Variants in ZNF208 observed in about 807,000 individuals in gnomAD.
ZNF208 encodes zinc finger protein 208.
Under a neutral mutation model 12.1 loss-of-function variants are expected in ZNF208, and 10 were observed. The ratio of observed to expected loss-of-function variants is 0.83; its 90% confidence interval spans 0.51 to 1.40. The LOEUF is 1.40. Ranked by LOEUF, ZNF208 falls within the 40% of genes most tolerant of loss-of-function variation. ZNF208 has a pLI of 0.00. For missense variants in ZNF208, 1,652 were observed against 1,485.0 expected (o/e 1.11, Z -1.85); for synonymous variants, 497 against 488.4 (o/e 1.02, Z -0.23).
downstream of ZNF208, among the ~76,000 whole-genome samples, chr19:21,964,301 T>C (rs1379013671): frequency 6.6e-6 from 1 of 151,816 alleles, no homozygotes; most frequent in Non-Finnish European, 1.5e-5. Flanking sequence ...TTAAATATCA[T>C]GAACAGTCAG....
chr19:21,953,455 T>G (rs1003617433), intron 4 of ZNF208, among the ~76,000 whole-genome samples: 1 of 151,502 alleles, frequency 6.6e-6, no homozygotes, highest in Non-Finnish European at 1.5e-5. Flanking sequence ...AGACTAACAG[T>G]GGCTCTCTCA....
At chr19:21,961,223 G>T (rs573893956), downstream of ZNF208, among the ~76,000 whole-genome samples, 1 of 152,116 alleles carries the variant, frequency 6.6e-6, no homozygotes, top group Non-Finnish European at 1.5e-5. Flanking sequence ...GCCTCCAGGG[G>T]TGACATCACA....
At chr19:21,999,401 T>TACTA (rs1247750258) in intron 1 of ZNF208, among the ~76,000 whole-genome samples, 1 of 152,158 alleles carries the variant, frequency 6.6e-6, no homozygotes, top group Non-Finnish European at 1.5e-5. Flanking sequence ...CACATAACTA[T>TACTA]ACTAACTGTA....
At chr19:21,977,562 C>A (rs1325364931) in intron 3 of ZNF208, among the ~76,000 whole-genome samples, 10 of 152,208 alleles carry the variant, frequency 6.6e-5, no homozygotes, top group Non-Finnish European at 1.3e-4. Flanking sequence ...CTGTGCTTTT[C>A]CCATGGTCTT....
At chr19:21,959,271 G>A (rs1220035337) in intron 4 of ZNF208, among the ~76,000 whole-genome samples, 1 of 152,144 alleles carries the variant, frequency 6.6e-6, no homozygotes, top group Non-Finnish European at 1.5e-5. Context: ...TTCTGGGTAT[G>A]TTTGACAAAG....
chr19:21,992,209 G>C (rs1970752783), intron 1 of ZNF208, among the ~76,000 whole-genome samples: 1 of 152,174 alleles, frequency 6.6e-6, no homozygotes, highest in African/African-American at 2.4e-5. Context: ...AAATGTGTCA[G>C]AAAGCTTATC....
Position 21,971,688 on chromosome 19 carries a change from C to T in ZNF208, c.3346G>A (p.Glu1116Lys), listed in dbSNP as rs770380766. 1.2e-6 allele frequency: 2 copies of T among 1,613,844 alleles called. No individual in the cohort carries two copies. Among genetic ancestry groups the T allele is most frequent in the Non-Finnish European group, 1.7e-6 (2 of 1,179,948 alleles). The change falls in exon 4 of 4, where the codon GAA (glutamate) becomes AAA (lysine). Residue 1116 changes from glutamate (E) to lysine (K), a missense_variant. By Grantham distance (56) the Glu-to-Lys change is moderately conservative. Transcript: ENST00000397126. ...GTACTAAAGCTTTTGCCACATTCTTCACATTTGTAGGGTTTCTCTCCAGTA... is the reference window on the plus strand; with the variant it reads ...GTACTAAAGCTTTTGCCACATTCTTTACATTTGTAGGGTTTCTCTCCAGTA... ...IHTGEKPYKC[E>K]ECGKSFSTFS...
chr19:21,957,731 T>C (rs1045074850), intron 4 of ZNF208, among the ~76,000 whole-genome samples: 12 of 152,236 alleles, frequency 7.9e-5, no homozygotes, highest in Non-Finnish European at 1.5e-5. Flanking sequence ...ATAGTTACTC[T>C]TGCTGCACTA....
chr19:21,964,755 T>G (rs1222246813), downstream of ZNF208, among the ~76,000 whole-genome samples: 3 of 151,852 alleles, frequency 2.0e-5, no homozygotes, highest in East Asian at 5.8e-4. Context: ...GTCTATAGTT[T>G]CTGAGTTTCA....
downstream of ZNF208, among the ~76,000 whole-genome samples, chr19:21,964,536 C>G (rs1202273372): frequency 6.6e-6 from 1 of 151,608 alleles, no homozygotes; most frequent in South Asian, 2.1e-4. Flanking sequence ...AACAATATGC[C>G]TTCTTCTCTC....
At chr19:21,940,250 T>C (rs1460347323) in intron 4 of ZNF208, 1 of 152,214 alleles carries the variant, frequency 6.6e-6, no homozygotes, top group African/African-American at 2.4e-5. Context: ...TTTAAATGAA[T>C]AAATACATCC....
chr19:21,947,016 T>C (rs1969824556), intron 4 of ZNF208, among the ~76,000 whole-genome samples: 2 of 152,084 alleles, frequency 1.3e-5, no homozygotes, highest in Non-Finnish European at 2.9e-5. Context: ...ATTCATTCTT[T>C]GTATGCAATG....
chr19:21,974,756 T>G lies in ZNF208; in HGVS notation c.278A>C (p.Asp93Ala). Reference protein sequence around the residue: ...QDLWPEQGIEDSFQKVILRRY... With the variant: ...QDLWPEQGIEASFQKVILRRY... ...TCTCAATATCACTTTTTGGAAAGAA[T>G]CTTCTATGCCCTGCTCTGGCCAAAG... The change falls in exon 4 of 4, where the codon GAT (aspartate) becomes GCT (alanine). Residue 93 changes from aspartate to alanine, a missense_variant. Physicochemically the swap from Asp to Ala is moderately radical, Grantham distance 126. Transcript: ENST00000397126. The G allele has an allele frequency of 6.2e-7, 1 of 1,609,066 alleles. No homozygotes were observed. Among genetic ancestry groups the G allele is most frequent in the Non-Finnish European group, 8.5e-7 (1 of 1,177,644 alleles).
intron 1 of ZNF208, among the ~76,000 whole-genome samples, chr19:21,993,877 AAAC>A (rs1452941392): frequency 3.9e-5 from 6 of 152,344 alleles, no homozygotes; most frequent in African/African-American, 9.6e-5. Flanking sequence ...TGCATTTGGA[AAAC>A]AACATGTGCA....
At chr19:21,941,552 A>G (rs1021219412) in intron 4 of ZNF208, 2 of 393,810 alleles carry the variant, frequency 5.1e-6, no homozygotes, top group Admixed American at 4.4e-5. Flanking sequence ...GTTTTTTTTT[A>G]AACTAAAGTG....
chr19:21,961,615 A>G (rs1231651814), downstream of ZNF208, among the ~76,000 whole-genome samples: 1 of 152,092 alleles, frequency 6.6e-6, no homozygotes, highest in African/African-American at 2.4e-5. Flanking sequence ...GGCATATTTC[A>G]GTCCTTATCT....
rs1445778015 is a variant in ZNF208 at position 21,970,642 on chromosome 19, A to G, written c.*549T>C. On this transcript the variant is annotated 3_prime_UTR_variant, in exon 4 of 4. Transcript: ENST00000397126. ...ACCAGTATGAATTCTCTTATGTTCC[A>G]TAAGGTTTGAGGACTGGTTGAAGCC... is the stretch of plus-strand genomic sequence containing the variant. 4.0e-6 allele frequency: 4 copies of G among 997,730 alleles called. No homozygotes were observed. The highest frequency in any genetic ancestry group is 6.2e-6 in the Non-Finnish European group (4 of 642,856). 61.8% of individuals were successfully genotyped at this position (997,730 alleles called of 1,614,324 possible).
At chr19:21,980,563 C>A (rs1274408578) in intron 3 of ZNF208, among the ~76,000 whole-genome samples, 1 of 152,072 alleles carries the variant, frequency 6.6e-6, no homozygotes, top group Non-Finnish European at 1.5e-5. Flanking sequence ...GGGACACAGA[C>A]AAAGCAGTGT....
intron 3 of ZNF208, among the ~76,000 whole-genome samples, chr19:21,982,537 A>G (rs1970562030): frequency 6.6e-6 from 1 of 152,170 alleles, no homozygotes; most frequent in African/African-American, 2.4e-5. Context: ...CAGAACCAAA[A>G]AAAAGCTCAT....
Sources: allele counts gnomAD v4.1 joint callset (sites outside exome capture counted in the v4.1 genomes callset), GRCh38; gene constraint gnomAD v4.1.1; transcripts MANE v1.5; gene names NCBI Gene and HGNC (gene_info 2026-07-23, HGNC 2026-07-21).